CIITA: variants seen among roughly 807,000 people sequenced by gnomAD.
CIITA encodes the protein MHC class II transactivator.
CIITA carries 72 observed loss-of-function variants against 115.1 expected under a neutral mutation model. The ratio of observed to expected loss-of-function variants is 0.63; its 90% confidence interval spans 0.52 to 0.76. The LOEUF is 0.76. CIITA is among the 30% of genes least tolerant of loss of function. CIITA has a pLI of 0.00. For synonymous variants in CIITA, 763 were observed against 635.6 expected (o/e 1.20, Z -3.02); for missense variants, 1,617 against 1,463.8 (o/e 1.10, Z -1.71).
At chr16:10,908,249 G>A (rs756965890) in intron 11 of CIITA, 100 bp downstream of exon 11, 24 of 1,367,922 alleles carry the variant, frequency 1.8e-5, no homozygotes, top group East Asian at 1.2e-4. Flanking sequence ...TTAGTATGCA[G>A]AGCAGCCGGG....
Position 10,918,415 on chromosome 16 carries a change from C to T in CIITA, c.3063-25C>T, listed in dbSNP as rs748460026. 7.5e-6 allele frequency: 12 copies of T among 1,607,926 alleles called. No homozygotes were observed. In the South Asian group the frequency reaches 1.3e-4, roughly 18 times the overall value. ...GAGGCATGCAAGTTTGGTCCTGAGC[C>T]CTCCCCCTCACTGTGTCCCCGCAGT... On this transcript the variant is annotated intron_variant, in intron 15 of 19. Coordinates refer to ENST00000324288, the MANE Select transcript of CIITA (RefSeq NM_000246.4).
chr16:10,909,661 G>C (rs1056546989), intron 12 of CIITA, among the ~76,000 whole-genome samples: 2 of 152,218 alleles, frequency 1.3e-5, no homozygotes. Flanking sequence ...AGTGCTGTCT[G>C]GGATAGGTAC....
intron 5 of CIITA, among the ~76,000 whole-genome samples, chr16:10,899,420 C>T (rs1033617177): frequency 6.6e-6 from 1 of 152,188 alleles, no homozygotes; most frequent in Non-Finnish European, 1.5e-5. Context: ...ACTGTCACCT[C>T]TTCCTGGAAC....
rs763739028 is a variant in CIITA, at chr16:10,906,795, C to A, written c.1303C>A (p.Arg435=). 1.2e-6 allele frequency: 2 copies of A among 1,612,138 alleles called. No homozygotes were observed. Among genetic ancestry groups the A allele is most frequent in the East Asian group, 4.5e-5 (2 of 44,882 alleles). The change falls in exon 11 of 20, where the codon CGG becomes AGG. Residue 435 remains arginine (R), a synonymous_variant. Coordinates refer to ENST00000324288, the MANE Select transcript of CIITA (RefSeq NM_000246.4). ...GAGCTATTGGGCTGGGGCAGTGAGC[C>A]GGGCCTGGGCTTGTGGCCGGCTTCC... The part of the protein sequence containing the change: ...GKSYWAGAVS[R]AWACGRLPQY...
In CIITA at chr16:10,901,372, T is replaced by C; in HGVS notation, c.437-142T>C. The C allele has an allele frequency of 1.2e-6, 1 of 821,628 alleles. No homozygotes were observed. Among genetic ancestry groups the C allele is most frequent in the South Asian group, 1.5e-5 (1 of 67,980 alleles). The allele number at this position is 821,628 out of a possible 1,614,324, so 50.9% of individuals were successfully genotyped here. ...AAGCCAAGGAGCTGGGGTTGGAATG[T>C]TAGAGCGAGGGGAGGAAAATGGACC... On this transcript the variant is annotated intron_variant, in intron 5 of 19. Transcript: ENST00000324288. The surrounding 1 kb of genome is among the most constrained non-coding windows in gnomAD (Gnocchi z 6.8).
chr16:10,922,279 G>C, intron 17 of CIITA, 29 bp downstream of exon 17: 1 of 1,609,184 alleles, frequency 6.2e-7, no homozygotes. Context: ...GCGGTGGGTG[G>C]CTCAGCCCGG....
intron 1 of CIITA, among the ~76,000 whole-genome samples, chr16:10,891,443 A>G (rs959982747): frequency 1.3e-5 from 2 of 152,186 alleles, no homozygotes; most frequent in Non-Finnish European, 2.9e-5. Flanking sequence ...GAGTTTGGGT[A>G]ACTTATTATT....
rs1567404352 is a variant in CIITA, at chr16:10,901,628, T to C, written c.481+70T>C. Reference sequence around the variant, plus strand: ...GGGGAGGGGATGGAAGAGATTGAACTCCTGGCCCAAGTCTGATGGGGATGG... The same window carrying C: ...GGGGAGGGGATGGAAGAGATTGAACCCCTGGCCCAAGTCTGATGGGGATGG... On this transcript the variant is annotated intron_variant, in intron 6 of 19. Transcript: ENST00000324288. The surrounding 1 kb of genome is among the most constrained non-coding windows in gnomAD (Gnocchi z 6.8). The C allele has an allele frequency of 2.0e-6, 3 of 1,506,360 alleles. No individual in the cohort carries two copies. In the Admixed American group the frequency reaches 5.4e-5, roughly 27 times the overall value. 93.3% of individuals were successfully genotyped at this position (1,506,360 alleles called of 1,614,324 possible). A position where few individuals can be genotyped will look rare whatever the true frequency, so the allele number is the denominator to read the frequency against.
chr16:10,915,510 G>A lies in CIITA; in HGVS notation c.2889-60G>A, dbSNP rs2039890888. On this transcript the variant is annotated intron_variant, in intron 13 of 19. Transcript: ENST00000324288. Reference sequence around the variant, plus strand: ...TGTGCCTTGTCTCTGCCCCACCCTGGGGCTGAATGAGGGGCTGTGACTGTG... The same window carrying A: ...TGTGCCTTGTCTCTGCCCCACCCTGAGGCTGAATGAGGGGCTGTGACTGTG... 6 of 1,360,918 alleles carry A rather than the reference G, an allele frequency of 4.4e-6. No individual in the cohort carries two copies. In the African/African-American group the frequency reaches 7.2e-5, roughly 16 times the overall value. The allele number at this position is 1,360,918 out of a possible 1,614,324, so 84.3% of individuals were successfully genotyped here. A position where few individuals can be genotyped will look rare whatever the true frequency, so the allele number is the denominator to read the frequency against.
In CIITA at chr16:10,928,037, G is replaced by A. The variant is rs1222236903; in HGVS notation, c.*4182G>A. The A allele has an allele frequency of 6.6e-6, 1 of 152,084 alleles. No individual in the cohort carries two copies. The highest frequency in any genetic ancestry group is 1.9e-4 in the East Asian group (1 of 5,188). 9.4% of individuals were successfully genotyped at this position (152,084 alleles called of 1,614,324 possible). A position where few individuals can be genotyped will look rare whatever the true frequency, so the allele number is the denominator to read the frequency against. On this transcript the variant is annotated 3_prime_UTR_variant, in exon 20 of 20. Coordinates refer to ENST00000324288, the MANE Select transcript of CIITA (RefSeq NM_000246.4). ...TCCTGACGCTCACCTTTTTCCCTGG[G>A]GCTCTCAAATGTCTTCTTTTCAGAT...
chr16:10,880,503 A>G (rs1156604727), intron 1 of CIITA, among the ~76,000 whole-genome samples: 1 of 152,216 alleles, frequency 6.6e-6, no homozygotes, highest in Non-Finnish European at 1.5e-5. Context: ...TTAACGCCAC[A>G]TAGCAAGCAG....
intron 1 of CIITA, among the ~76,000 whole-genome samples, chr16:10,867,040 C>T (rs533053519): frequency 5.3e-5 from 8 of 152,198 alleles, no homozygotes; most frequent in Non-Finnish European, 8.8e-5. Context: ...GAGATCAGTT[C>T]GACACCAGCC....
downstream of CIITA, chr16:10,939,546 T>C (rs2041073263): frequency 6.6e-6 from 1 of 152,290 alleles, no homozygotes; most frequent in African/African-American, 2.4e-5. The surrounding 1 kb of genome is among the most constrained non-coding windows in gnomAD (Gnocchi z 4.9). Flanking sequence ...TTGGCACCAC[T>C]GATTCCCTCA....
At chr16:10,905,388 T>G (rs906312295) in intron 10 of CIITA, among the ~76,000 whole-genome samples, 6 of 152,188 alleles carry the variant, frequency 3.9e-5, no homozygotes, top group Middle Eastern at 6.8e-3. Context: ...TCTTAACTCT[T>G]AACACTCCCT....
chr16:10,930,509 A>T lies in CIITA; in HGVS notation c.*6654A>T, dbSNP rs1385908008. 1 of 152,206 alleles carries T rather than the reference A, an allele frequency of 6.6e-6. No individual in the cohort carries two copies. The highest frequency in any genetic ancestry group is 1.9e-4 in the East Asian group (1 of 5,198). The allele number at this position is 152,206 out of a possible 1,614,324, so 9.4% of individuals were successfully genotyped here. A position where few individuals can be genotyped will look rare whatever the true frequency, so the allele number is the denominator to read the frequency against. ...GAACTGTTTCCATTGAGACCCATGC[A>T]TCGTATAGGATAAGAAACTGAGGTT... On this transcript the variant is annotated 3_prime_UTR_variant, in exon 20 of 20. Coordinates refer to ENST00000324288, the MANE Select transcript of CIITA (RefSeq NM_000246.4).
In CIITA at chr16:10,942,051, G is replaced by A. The variant is rs1328200245; in HGVS notation, n.1177G>A. Reference sequence around the variant, plus strand: ...CGGCCCGGCGATCCCGGCGAACTCAGCCGCTGCGGCGCCCGGGCGGCCGGC... The same window carrying A: ...CGGCCCGGCGATCCCGGCGAACTCAACCGCTGCGGCGCCCGGGCGGCCGGC... On this transcript the variant is annotated non_coding_transcript_exon_variant, in exon 2 of 2. Coordinates refer to the CIITA transcript ENST00000573379. This position sits in a 1 kb window ranked among gnomAD's most constrained non-coding sequence, Gnocchi z 5.0. The A allele has an allele frequency of 2.2e-6, 3 of 1,336,424 alleles. No homozygotes were observed. Among genetic ancestry groups the A allele is most frequent in the Non-Finnish European group, 2.9e-6 (3 of 1,046,558 alleles). The allele number at this position is 1,336,424 out of a possible 1,614,324, so 82.8% of individuals were successfully genotyped here.
In CIITA at chr16:10,895,763, C is replaced by T. The variant is rs200299817; in HGVS notation, c.294C>T (p.Ile98=). The change falls in exon 3 of 20, where the codon ATC becomes ATT. Residue 98 remains isoleucine, a splice_region_variant and synonymous_variant. Transcript: ENST00000324288. ...AGACCAGGGAGGCTTATGCCAATAT[C>T]GGTGAGGAAGCACCTGAGCCCAGAA... is the stretch of plus-strand genomic sequence containing the variant. ...DEETREAYAN[I]AELDQYVFQD... is the part of the protein sequence containing the mutation. 5.3e-5 allele frequency: 85 copies of T among 1,613,890 alleles called. No individual in the cohort carries two copies. Among genetic ancestry groups the T allele is most frequent in the Admixed American group, 5.0e-5 (3 of 59,996 alleles).
chr16:10,918,756 A>T (rs1222731784), intron 16 of CIITA, among the ~76,000 whole-genome samples: 3 of 152,188 alleles, frequency 2.0e-5, no homozygotes, highest in African/African-American at 7.2e-5. Flanking sequence ...TGGTCTATGT[A>T]AGCACTTGTC....
intron 1 of CIITA, chr16:10,888,580 A>G (rs563400238): frequency 6.6e-6 from 1 of 152,260 alleles, no homozygotes; most frequent in Non-Finnish European, 1.5e-5. Flanking sequence ...CAAATCCTGC[A>G]TGCAGTGTGA....
Sources: allele counts gnomAD v4.1 joint callset (sites outside exome capture counted in the v4.1 genomes callset), GRCh38; gene constraint gnomAD v4.1.1; non-coding constraint Gnocchi (gnomAD v3.1); transcripts MANE v1.5; gene names NCBI Gene and HGNC (gene_info 2026-07-23, HGNC 2026-07-21).